Variants in PABPC4 observed in about 807,000 individuals in gnomAD.
The protein encoded by PABPC4 is poly(A) binding protein cytoplasmic 4.
In PABPC4, 15 loss-of-function variants were observed where a neutral mutation model predicts 74.5. The ratio of observed to expected loss-of-function variants is 0.20; its 90% CI spans 0.13 to 0.31. PABPC4 has a LOEUF of 0.31. Among genes scored for constraint, PABPC4 ranks in the 10% least tolerant of loss-of-function variants. The pLI is 1.00. For missense variants in PABPC4, 610 were observed against 853.5 expected, an observed-to-expected ratio of 0.71 and a Z score of 3.55; for synonymous variants, 345 against 303.0, an observed-to-expected ratio of 1.14 and a Z score of -1.44.
Position 39,572,471 on chromosome 1 carries a change from G to C in PABPC4, c.309C>G (p.Ile103Met). 6.2e-7 allele frequency: 1 copy of C among 1,614,062 alleles called. No individual in the cohort carries two copies. Among genetic ancestry groups the C allele is most frequent in the Non-Finnish European group, 8.5e-7 (1 of 1,179,908 alleles). The change falls in exon 2 of 16, where the codon ATC becomes ATG. Residue 103 changes from isoleucine to methionine, a missense_variant. Coordinates refer to ENST00000372858, the MANE Select transcript of PABPC4 (RefSeq NM_001135653.2). ...TATCTATAGATTTGTCCAGGTTCTT[G>C]ATGAAGACGTTTCCCACACCAGATT... is the stretch of plus-strand genomic sequence containing the variant. ...LRKSGVGNVF[I>M]KNLDKSIDNK...
intron 6 of PABPC4, chr1:39,568,596 GATGA>G (rs1645888430): frequency 2.1e-6 from 1 of 468,164 alleles, no homozygotes; most frequent in Non-Finnish European, 3.7e-6. Context: ...AGAGCTTCTT[GATGA>G]ATAAACCCAT....
At chr1:39,568,641 A>G (rs1645889530) in intron 6 of PABPC4, 161 bp downstream of exon 6, 1 of 636,080 alleles carries the variant, frequency 1.6e-6, no homozygotes, top group Non-Finnish European at 2.7e-6. Flanking sequence ...ATAATCAGTC[A>G]TATGTAGTAG....
At position 39,571,328 on chromosome 1, in the gene PABPC4, A is replaced by G. The variant is rs1317240979; in HGVS notation, c.409T>C (p.Ser137Pro). Residue 137 changes from serine to proline, a missense_variant, in exon 3 of 16, where the codon TCT becomes CCT. Ser to Pro is a moderately conservative substitution (Grantham distance 74). Coordinates refer to ENST00000372858, the MANE Select transcript of PABPC4 (RefSeq NM_001135653.2). ...AAGTGGACAAAGGCATAACCCTTAG[A>G]GCCGTTCTCATCACACACCACCTGT... The part of the protein sequence containing the change: ...SCKVVCDENG[S>P]KGYAFVHFET... 3 of 1,613,970 alleles carry G rather than the reference A, an allele frequency of 1.9e-6. No homozygotes were observed. Among genetic ancestry groups the G allele is most frequent in the African/African-American group, 1.3e-5 (1 of 74,900 alleles).
At position 39,571,242 on chromosome 1, in the gene PABPC4, G is replaced by A. The variant is rs199950601; in HGVS notation, c.495C>T (p.Asp165=). ...IEKMNGMLLN[D]RKVFVGRFKS... ...CGGACTGGGACACTCACACTTTGCG[G>A]TCATTGAGGAGCATGCCATTCATCT... Residue 165 remains aspartate, a synonymous_variant, in exon 3 of 16, where the codon GAC becomes GAT. Transcript: ENST00000372858. 1.9e-6 allele frequency: 3 copies of A among 1,614,188 alleles called. No homozygotes were observed. In the East Asian group the frequency reaches 6.7e-5, roughly 36 times the overall value.
rs1475077785 is a variant in PABPC4, at chr1:39,568,727, C to T, written c.876+75G>A. 20 of 1,404,602 alleles carry T rather than the reference C, an allele frequency of 1.4e-5. No homozygotes were observed. The South Asian group carries it at 2.5e-4, about 17-fold the overall frequency. 87.0% of individuals were successfully genotyped at this position (1,404,602 alleles called of 1,614,324 possible). A position where few individuals can be genotyped will look rare whatever the true frequency, so the allele number is the denominator to read the frequency against. On this transcript the variant is annotated intron_variant, in intron 6 of 15. Transcript: ENST00000372858. ...ACACTCCAAGTCCTCAAAAAGAAAG[C>T]CCGCTAAACATAGGGGTGTTCTGCA... is the stretch of plus-strand genomic sequence containing the variant.
chr1:39,575,852 C>T lies in PABPC4; in HGVS notation c.100G>A (p.Ala34Thr). The T allele has an allele frequency of 6.2e-7, 1 of 1,612,446 alleles. No individual in the cohort carries two copies. The highest frequency in any genetic ancestry group is 2.2e-5 in the East Asian group (1 of 44,722). The change falls in exon 1 of 16, where the codon GCG (alanine) becomes ACG (threonine). Residue 34 changes from alanine (A) to threonine (T), a missense_variant. Ala to Thr is a moderately conservative substitution (Grantham distance 58). Transcript: ENST00000372858. ...EAMLYEKFSP[A>T]GPVLSIRVCR... ...ACCCGGATGGACAGCACAGGCCCCGCGGGGCTGAACTTTTCGTACAGCATG... is the reference window on the plus strand; with the variant it reads ...ACCCGGATGGACAGCACAGGCCCCGTGGGGCTGAACTTTTCGTACAGCATG...
chr1:39,568,126 G>A (rs570536327), intron 6 of PABPC4: 19 of 276,854 alleles, frequency 6.9e-5, no homozygotes, highest in South Asian at 2.2e-4. Flanking sequence ...GCATGGTGGC[G>A]GGTGCCTGTA....
At chr1:39,567,322 A>C (rs1175745736) in intron 7 of PABPC4, 3 of 503,338 alleles carry the variant, frequency 6.0e-6, no homozygotes, top group South Asian at 4.3e-5. Flanking sequence ...CCAGGGTAGA[A>C]GTTCCCAAGC....
At chr1:39,563,212 C>A (rs148326668) in intron 12 of PABPC4, 225 of 196,864 alleles carry the variant, frequency 1.1e-3, no homozygotes, top group African/African-American at 5.0e-3. Flanking sequence ...ACACACTTTA[C>A]ATCTTTGAAG....
Position 39,565,149 on chromosome 1 carries a change from A to T in PABPC4, c.1202T>A (p.Phe401Tyr), listed in dbSNP as rs1055825698. The change falls in exon 8 of 16, where the codon TTC (phenylalanine) becomes TAC (tyrosine). Residue 401 changes from phenylalanine (F) to tyrosine (Y), a missense_variant. Coordinates refer to ENST00000372858, the MANE Select transcript of PABPC4 (RefSeq NM_001135653.2). ...AAAGTAGCCACCCGCTGCAGGCTGG[A>T]ACTGATTTAAGATGGCATTGGCAGG... ...ALPANAILNQ[F>Y]QPAAGGYFVP... The T allele has an allele frequency of 6.2e-7, 1 of 1,614,176 alleles. No individual in the cohort carries two copies.
chr1:39,562,009 C>G, intron 14 of PABPC4, 64 bp downstream of exon 14: 1 of 1,571,054 alleles, frequency 6.4e-7, no homozygotes, highest in Non-Finnish European at 8.7e-7. Flanking sequence ...ACCTGGGCAT[C>G]CAAGTTTGCC....
intron 15 of PABPC4, 35 bp from the exon 16 acceptor site, chr1:39,561,157 A>G (rs1312957550): frequency 2.1e-6 from 1 of 470,110 alleles, no homozygotes; most frequent in Non-Finnish European, 4.4e-6. Flanking sequence ...ATAAATGCAT[A>G]ATCAAATAAT....
chr1:39,575,671 CGCCCTCCTCGGCAGGAGG>C (rs1646014534), intron 1 of PABPC4, 70 bp downstream of exon 1: 3 of 1,123,272 alleles, frequency 2.7e-6, no homozygotes, highest in Non-Finnish European at 3.7e-6. Flanking sequence ...GTCGTGATGC[CGCCCTCCTCGGCAGGAGG>C]GCCCTGCCAG....
intron 7 of PABPC4, chr1:39,567,360 C>T: frequency 1.9e-6 from 1 of 519,220 alleles, no homozygotes; most frequent in Non-Finnish European, 3.8e-6. Flanking sequence ...AAAATACCTT[C>T]ATTCTCAAGG....
At chr1:39,571,869 T>A (rs1340248699) in intron 2 of PABPC4, among the ~76,000 whole-genome samples, 1 of 152,214 alleles carries the variant, frequency 6.6e-6, no homozygotes, top group Non-Finnish European at 1.5e-5. Context: ...AGAGCAAGAC[T>A]CTGTCTCTTT....
At chr1:39,563,987 G>A (rs1645798877) in intron 10 of PABPC4, 65 bp from the exon 11 acceptor site, 2 of 1,481,174 alleles carry the variant, frequency 1.4e-6, no homozygotes, top group Admixed American at 1.7e-5. Flanking sequence ...ACGTCCCACG[G>A]AAGGAGAAAT....
In PABPC4 at chr1:39,564,735, T is replaced by A. The variant is rs1326613952; in HGVS notation, c.1284A>T (p.Leu428Phe). The change falls in exon 9 of 16, where the codon TTA becomes TTT. Residue 428 changes from leucine to phenylalanine, a missense_variant. Transcript: ENST00000372858. The part of the protein sequence containing the change: ...GRPPYYTPNQ[L>F]AQMRPNPRWQ... ...AGCGTGGATTAGGCCTCATCTGTGCTAACTGGTTAGGTGTATAATATGGAG... is the reference window on the plus strand; with the variant it reads ...AGCGTGGATTAGGCCTCATCTGTGCAAACTGGTTAGGTGTATAATATGGAG... 2.5e-6 allele frequency: 4 copies of A among 1,614,166 alleles called. No individual in the cohort carries two copies.
chr1:39,563,414 A>G (rs1311180283), intron 12 of PABPC4, 200 bp downstream of exon 12: 1 of 596,808 alleles, frequency 1.7e-6, no homozygotes, highest in South Asian at 2.5e-5. Flanking sequence ...TTCTGAGTGA[A>G]CTGGCATCAG....
At chr1:39,564,826 G>C (rs1190656773) in intron 8 of PABPC4, 53 bp from the exon 9 acceptor site, 6 of 1,367,122 alleles carry the variant, frequency 4.4e-6, no homozygotes, top group Non-Finnish European at 6.3e-6. Context: ...ACCCATCCTA[G>C]AGAAGTATCT....
Sources: gnomAD v4.1 joint callset for allele counts (sites outside exome capture counted in the v4.1 genomes callset) on GRCh38, gnomAD v4.1.1 for gene constraint, MANE v1.5 for transcripts, NCBI Gene and HGNC (gene_info 2026-07-23, HGNC 2026-07-21) for gene names.